The following JARID2 variants were observed in gnomAD, a reference collection of about 807,000 sequenced individuals.
JARID2 encodes protein Jumonji.
A neutral mutation model predicts 125.6 loss-of-function variants in JARID2; 21 were observed. The observed-to-expected ratio is 0.17, with a 90% confidence interval of 0.12 to 0.24. The LOEUF is 0.24. JARID2 is among the 10% of genes least tolerant of loss of function. The probability of loss-of-function intolerance (pLI) is 1.00; values close to 1 mark genes in which losing one functional copy is unlikely to be tolerated. For synonymous variants in JARID2, 736 were observed against 661.6 expected, an observed-to-expected ratio of 1.11 and a Z score of -1.73; for missense variants, 1,303 against 1,639.6, an observed-to-expected ratio of 0.79 and a Z score of 3.55.
Position 15,496,914 on chromosome 6 carries a change from C to A in JARID2, c.1689C>A (p.Ser563=), listed in dbSNP as rs116734338. ...ACGAGATCCCCGTCCTCAGGCCCTC[C>A]GCCAAGGAGTTCCACGATCCGCTCA... ...AMDEIPVLRP[S]AKEFHDPLIY... Residue 563 remains serine, a synonymous_variant, in exon 7 of 18, where the codon TCC becomes TCA. Transcript: ENST00000341776. 1.2e-6 allele frequency: 2 copies of A among 1,601,746 alleles called. No homozygotes were observed. Among genetic ancestry groups the A allele is most frequent in the Non-Finnish European group, 1.7e-6 (2 of 1,171,720 alleles).
Position 15,521,817 on chromosome 6 carries a change from T to C in JARID2, c.*1566T>C, listed in dbSNP as rs1183691632. Reference sequence around the variant, plus strand: ...ACAGTCAAGTGTTTTCCAATGTGGTTGTCCGGTTTCTATGGCCTTGCTGTG... The same window carrying C: ...ACAGTCAAGTGTTTTCCAATGTGGTCGTCCGGTTTCTATGGCCTTGCTGTG... On this transcript the variant is annotated 3_prime_UTR_variant, in exon 18 of 18. Transcript: ENST00000341776. 6.6e-6 allele frequency: 1 copy of C among 152,254 alleles called. No homozygotes were observed. The allele number at this position is 152,254 out of a possible 1,614,324, so 9.4% of individuals were successfully genotyped here.
rs76016376 is a variant in JARID2, at chr6:15,376,162, C to T, written c.181+1910C>T. 7.5e-3 allele frequency among the ~76,000 whole-genome samples: 1,142 copies of T among 152,244 alleles called. 15 individuals are homozygous for T. The highest frequency in any genetic ancestry group is 0.026 in the African/African-American group (1,083 of 41,528). ...GTCTTTTTATTTATTCTGGCACTAC[C>T]TTCATAAGGGAAGGTTAGTTTTTGT... On this transcript the variant is annotated intron_variant, in intron 2 of 17. Coordinates refer to ENST00000341776, the MANE Select transcript of JARID2 (RefSeq NM_004973.4).
chr6:15,314,646 G>A (rs1351327722), intron 1 of JARID2, among the ~76,000 whole-genome samples: 1 of 152,174 alleles, frequency 6.6e-6, no homozygotes, highest in Non-Finnish European at 1.5e-5. Flanking sequence ...TACAGTTGAG[G>A]CCTCTTCAGT....
intron 1 of JARID2, among the ~76,000 whole-genome samples, chr6:15,313,132 T>C (rs922067404): frequency 1.3e-5 from 2 of 152,206 alleles, no homozygotes; most frequent in Non-Finnish European, 1.5e-5. Flanking sequence ...GGAGCTTTTT[T>C]TACATTACAC....
intron 1 of JARID2, among the ~76,000 whole-genome samples, chr6:15,373,099 G>T (rs1764231646): frequency 6.6e-6 from 1 of 152,196 alleles, no homozygotes; most frequent in Non-Finnish European, 1.5e-5. Flanking sequence ...AACAGCTACA[G>T]AAGAGAACCT....
Position 15,305,225 on chromosome 6 carries a change from G to T in JARID2, c.45+58641G>T, listed in dbSNP as rs952470274. Among the ~76,000 whole-genome samples, 5 of 152,236 alleles carry T rather than the reference G, an allele frequency of 3.3e-5. No individual in the cohort carries two copies. The East Asian group carries it at 7.7e-4, about 24-fold the overall frequency. On this transcript the variant is annotated intron_variant, in intron 1 of 17. Coordinates refer to ENST00000341776, the MANE Select transcript of JARID2 (RefSeq NM_004973.4). Reference sequence around the variant, plus strand: ...ACGTGAAGAAGGATTTTAAGAAATGGCCATTGAAGATTGATGTTGGCCGGT... The same window carrying T: ...ACGTGAAGAAGGATTTTAAGAAATGTCCATTGAAGATTGATGTTGGCCGGT...
chr6:15,247,507 A>G (rs1242581486), intron 1 of JARID2: 1 of 977,696 alleles, frequency 1.0e-6, no homozygotes, highest in Non-Finnish European at 1.2e-6. Flanking sequence ...ATCTGTGATT[A>G]GCTGCATGCT....
intron 2 of JARID2, among the ~76,000 whole-genome samples, chr6:15,382,770 C>T (rs999649054): frequency 2.6e-5 from 4 of 152,166 alleles, no homozygotes; most frequent in Admixed American, 6.5e-5. Context: ...TTTCCTGGAG[C>T]GTTAAGAATG....
At chr6:15,340,166 A>T (rs1482420196) in intron 1 of JARID2, among the ~76,000 whole-genome samples, 1 of 152,104 alleles carries the variant, frequency 6.6e-6, no homozygotes. Context: ...CTCAGATGCC[A>T]TGTTCTAATG....
intron 1 of JARID2, among the ~76,000 whole-genome samples, chr6:15,277,395 A>T (rs988395599): frequency 3.9e-5 from 6 of 152,134 alleles, no homozygotes; most frequent in African/African-American, 1.4e-4. Context: ...AAGTGCTGGG[A>T]TTACAGGCAT....
At chr6:15,335,200 A>G (rs1762838407) in intron 1 of JARID2, among the ~76,000 whole-genome samples, 1 of 152,064 alleles carries the variant, frequency 6.6e-6, no homozygotes, top group South Asian at 2.1e-4. Flanking sequence ...CGTGGCTTCA[A>G]GCGATTCTCA....
chr6:15,509,102 T>A (rs1247440206), intron 12 of JARID2: 1 of 1,288,764 alleles, frequency 7.8e-7, no homozygotes, highest in Admixed American at 2.3e-5. Context: ...GTGTTCTGGG[T>A]CCCCGCCTGT....
chr6:15,405,183 A>C (rs1369859444), intron 2 of JARID2, among the ~76,000 whole-genome samples: 2 of 152,266 alleles, frequency 1.3e-5, no homozygotes, highest in East Asian at 3.8e-4. Flanking sequence ...TACCAAGAAC[A>C]ACAGGAATTC....
intron 1 of JARID2, among the ~76,000 whole-genome samples, chr6:15,293,426 A>G (rs1297270222): frequency 6.6e-6 from 1 of 152,238 alleles, no homozygotes; most frequent in Non-Finnish European, 1.5e-5. Flanking sequence ...ACAAAAACCC[A>G]AAAAACCTGC....
chr6:15,513,301 A>G lies in JARID2; in HGVS notation c.3329A>G (p.Tyr1110Cys). 1.2e-6 allele frequency: 2 copies of G among 1,604,174 alleles called. No individual in the cohort carries two copies. The highest frequency in any genetic ancestry group is 8.5e-7 in the Non-Finnish European group (1 of 1,176,476). Reference protein sequence around the residue: ...FEAGLHSSARYGSHDGSSTVA... With the variant: ...FEAGLHSSARCGSHDGSSTVA... ...GCTGGCCTCCACTCCTCCGCACGCT[A>G]TGGCAGCCACGATGGCAGCAGCACG... The change falls in exon 16 of 18, where the codon TAT becomes TGT. Residue 1110 changes from tyrosine to cysteine, a missense_variant. Around this residue, in one of 11 missense-constraint regions of JARID2, gnomAD observed 190 missense variants for 341.4 expected, o/e 0.56. Transcript: ENST00000341776.
chr6:15,272,601 A>G (rs765856182), intron 1 of JARID2, among the ~76,000 whole-genome samples: 1 of 152,222 alleles, frequency 6.6e-6, no homozygotes, highest in Non-Finnish European at 1.5e-5. Flanking sequence ...AAAGCAGGTA[A>G]AGGGGCCAGG....
At chr6:15,484,583 T>C (rs1200298494) in intron 5 of JARID2, among the ~76,000 whole-genome samples, 1 of 152,220 alleles carries the variant, frequency 6.6e-6, no homozygotes. Context: ...CCAGACATTG[T>C]GGTAGATGTT....
intron 1 of JARID2, among the ~76,000 whole-genome samples, chr6:15,342,804 G>T (rs1763112400): frequency 6.6e-6 from 1 of 151,962 alleles, no homozygotes; most frequent in African/African-American, 2.4e-5. Context: ...TCGTTATTTT[G>T]TGTCGTTACT....
chr6:15,305,754 C>T (rs1361433225), intron 1 of JARID2, among the ~76,000 whole-genome samples: 1 of 152,088 alleles, frequency 6.6e-6, no homozygotes, highest in African/African-American at 2.4e-5. Context: ...TTGGAGCACC[C>T]CTCCAATATC....
Sources: gnomAD v4.1 joint callset for allele counts (sites outside exome capture counted in the v4.1 genomes callset) on GRCh38, gnomAD v4.1.1 for gene constraint, gnomAD v4.1.1 regional missense constraint, MANE v1.5 for transcripts, NCBI Gene and HGNC (gene_info 2026-07-23, HGNC 2026-07-21) for gene names.